ZNF704: variants seen among roughly 807,000 people sequenced by gnomAD.
ZNF704 encodes glucocorticoid induced gene 1.
A neutral mutation model predicts 44.7 loss-of-function variants in ZNF704; 10 were observed. That is an observed-to-expected ratio of 0.22 (90% CI 0.14 to 0.38). The LOEUF (loss-of-function observed/expected upper bound fraction) is 0.38, where lower values mean the gene tolerates loss of function less well. ZNF704 is among the 10% of genes least tolerant of loss of function. The probability of loss-of-function intolerance (pLI) is 1.00; values close to 1 mark genes in which losing one functional copy is unlikely to be tolerated. For synonymous variants in ZNF704, 211 were observed against 207.6 expected (o/e 1.02, Z -0.14); for missense variants, 390 against 545.5 (o/e 0.71, Z 2.84).
intron 2 of ZNF704, among the ~76,000 whole-genome samples, chr8:80,769,788 C>A (rs550816118): frequency 2.0e-4 from 30 of 152,260 alleles, no homozygotes; most frequent in African/African-American, 7.0e-4. Context: ...GCCTGTTACC[C>A]GGGTCCAAAG....
chr8:80,715,605 G>C (rs980875212), intron 2 of ZNF704, among the ~76,000 whole-genome samples: 3 of 152,132 alleles, frequency 2.0e-5, no homozygotes, highest in African/African-American at 7.2e-5. Flanking sequence ...TTGTAAGATT[G>C]GTCTGATCCT....
At chr8:80,791,237 G>T (rs1467493187) in intron 2 of ZNF704, among the ~76,000 whole-genome samples, 1 of 152,182 alleles carries the variant, frequency 6.6e-6, no homozygotes, top group East Asian at 1.9e-4. Context: ...GGGCAGAAGA[G>T]GATAATCAAC....
chr8:80,687,160 C>G, intron 4 of ZNF704, 66 bp downstream of exon 4: 1 of 1,444,772 alleles, frequency 6.9e-7, no homozygotes, highest in Non-Finnish European at 9.6e-7. Flanking sequence ...CACACCGGCC[C>G]TTCAGAGGGG....
chr8:80,784,842 C>T (rs60500645), intron 2 of ZNF704, among the ~76,000 whole-genome samples: 3,353 of 151,530 alleles, frequency 0.022, 118 homozygotes, highest in African/African-American at 0.075. Flanking sequence ...AGGCTTTCTC[C>T]AAGTTATCTT....
At chr8:80,670,058 T>A (rs1454576583) in intron 5 of ZNF704, among the ~76,000 whole-genome samples, 1 of 152,186 alleles carries the variant, frequency 6.6e-6, no homozygotes, top group Non-Finnish European at 1.5e-5. Context: ...TACTCTCCAC[T>A]GGAAAATAAA....
intron 1 of ZNF704, among the ~76,000 whole-genome samples, chr8:80,873,327 C>T (rs1187771046): frequency 6.6e-6 from 1 of 152,180 alleles, no homozygotes; most frequent in African/African-American, 2.4e-5. Flanking sequence ...GCGGGAGCCG[C>T]CGCCTGGGAG....
chr8:80,843,647 A>C (rs1808717112), intron 1 of ZNF704, among the ~76,000 whole-genome samples: 1 of 152,222 alleles, frequency 6.6e-6, no homozygotes, highest in Non-Finnish European at 1.5e-5. Flanking sequence ...ATGCTAATAC[A>C]TTAATTCCCA....
rs541244167 is a variant in ZNF704, at chr8:80,859,713, G to A, written c.-22+14858C>T. On this transcript the variant is annotated intron_variant, in intron 1 of 8. Transcript: ENST00000327835. ...GCAATCTCGGGGATAAGTCAGCAGC[G>A]ACTCCAGGTCTGTATGACAAGCAGA... is the stretch of plus-strand genomic sequence containing the variant. Among the ~76,000 whole-genome samples the A allele has an allele frequency of 5.3e-5, 8 of 152,042 alleles. No homozygotes were observed. The East Asian group carries it at 1.5e-3, about 29-fold the overall frequency.
the ZNF704 span, among the ~76,000 whole-genome samples, chr8:80,884,375 C>T: frequency 6.6e-6 from 1 of 152,162 alleles, no homozygotes; most frequent in East Asian, 1.9e-4. Context: ...GTCCCACCAC[C>T]TCCTCCATAT....
chr8:80,851,918 T>C (rs963661543), intron 1 of ZNF704, among the ~76,000 whole-genome samples: 1 of 151,532 alleles, frequency 6.6e-6, no homozygotes, highest in African/African-American at 2.4e-5. Context: ...ATTTTTCTTT[T>C]TTCCAGCTCA....
At chr8:80,776,230 G>GT (rs1807408901) in intron 2 of ZNF704, among the ~76,000 whole-genome samples, 2 of 152,182 alleles carry the variant, frequency 1.3e-5, no homozygotes, top group South Asian at 4.1e-4. Flanking sequence ...AAGAGACCCT[G>GT]AAGTAGAATT....
chr8:80,774,426 G>A (rs982444192), intron 2 of ZNF704, among the ~76,000 whole-genome samples: 1 of 152,152 alleles, frequency 6.6e-6, no homozygotes, highest in African/African-American at 2.4e-5. Context: ...AGGAAAGAGT[G>A]GGGTGCTGCC....
chr8:80,725,749 G>T (rs1278858847), intron 2 of ZNF704, among the ~76,000 whole-genome samples: 1 of 152,040 alleles, frequency 6.6e-6, no homozygotes, highest in African/African-American at 2.4e-5. Context: ...GTCTCCCTGG[G>T]GGCTTACTGT....
At chr8:80,737,291 G>A (rs577917632) in intron 2 of ZNF704, among the ~76,000 whole-genome samples, 6 of 152,300 alleles carry the variant, frequency 3.9e-5, no homozygotes, top group South Asian at 2.1e-4. Flanking sequence ...TTAGGCAAGC[G>A]ATGAGCCAGG....
chr8:80,867,717 A>C (rs1218805570), intron 1 of ZNF704, among the ~76,000 whole-genome samples: 3 of 152,236 alleles, frequency 2.0e-5, no homozygotes, highest in African/African-American at 7.2e-5. Flanking sequence ...TGTTTGCTGC[A>C]CAGTTCCTGC....
intron 7 of ZNF704, chr8:80,658,525 G>A (rs993935974): frequency 9.9e-5 from 15 of 152,152 alleles, no homozygotes; most frequent in Non-Finnish European, 8.8e-5. Context: ...CACTCTTGCA[G>A]AGCTACCAGA....
At chr8:80,646,590 A>G (rs1178483908) in intron 7 of ZNF704, among the ~76,000 whole-genome samples, 3 of 152,192 alleles carry the variant, frequency 2.0e-5, no homozygotes, top group African/African-American at 7.2e-5. Flanking sequence ...GGGTGGAGCA[A>G]GGGCCAGCAG....
At chr8:80,674,781 T>G (rs1268292042) in intron 4 of ZNF704, among the ~76,000 whole-genome samples, 2 of 152,126 alleles carry the variant, frequency 1.3e-5, no homozygotes, top group Non-Finnish European at 2.9e-5. Flanking sequence ...TGGCAAACAT[T>G]AATGAACAAG....
intron 3 of ZNF704, among the ~76,000 whole-genome samples, chr8:80,692,324 T>C (rs184308972): frequency 4.6e-5 from 7 of 151,956 alleles, no homozygotes; most frequent in Non-Finnish European, 8.8e-5. Context: ...ATCTGTAAAA[T>C]AGTGATAATA....
Sources: gnomAD v4.1 joint callset for allele counts (sites outside exome capture counted in the v4.1 genomes callset) on GRCh38, gnomAD v4.1.1 for gene constraint, MANE v1.5 for transcripts, NCBI Gene and HGNC (gene_info 2026-07-23, HGNC 2026-07-21) for gene names.